UGT1A8: variants seen among roughly 807,000 people sequenced by gnomAD.
UGT1A8 encodes UDP glucuronosyltransferase family 1 member A8, also known as UDP-glucuronosyltransferase 1A8.
A neutral mutation model predicts 45.3 loss-of-function variants in UGT1A8; 39 were observed. The observed-to-expected ratio is 0.86, with a 90% CI of 0.67 to 1.12. The LOEUF (loss-of-function observed/expected upper bound fraction) is 1.12, where lower values mean the gene tolerates loss of function less well. Ranked by LOEUF, UGT1A8 falls within the 50% of genes most tolerant of loss-of-function variation. The probability of loss-of-function intolerance (pLI) is 0.00; values close to 1 mark genes in which losing one functional copy is unlikely to be tolerated. For synonymous variants in UGT1A8, 275 were observed against 249.2 expected (o/e 1.10, Z -0.97); for missense variants, 719 against 664.9 (o/e 1.08, Z -0.90).
intron 1 of UGT1A8, chr2:233,747,220 A>G: frequency 6.2e-7 from 1 of 1,605,538 alleles, no homozygotes; most frequent in South Asian, 1.1e-5. Flanking sequence ...TGAGATGGCC[A>G]CAGGACCCCA....
intron 1 of UGT1A8, among the ~76,000 whole-genome samples, chr2:233,752,803 G>A (rs140636687): frequency 3.1e-4 from 47 of 152,278 alleles, no homozygotes; most frequent in African/African-American, 1.1e-3. Flanking sequence ...TTCTGTAGAA[G>A]GAACACTTCC....
At chr2:233,638,236 C>A (rs1285916419) in intron 1 of UGT1A8, among the ~76,000 whole-genome samples, 2 of 152,074 alleles carry the variant, frequency 1.3e-5, no homozygotes, top group Non-Finnish European at 2.9e-5. Flanking sequence ...ACTATATAAG[C>A]ATTTTATGTT....
chr2:233,766,731 T>C (rs1699235503), intron 1 of UGT1A8, among the ~76,000 whole-genome samples: 1 of 152,174 alleles, frequency 6.6e-6, no homozygotes, highest in African/African-American at 2.4e-5. Flanking sequence ...TATCACTGTG[T>C]GTATGTACAG....
At chr2:233,667,362 A>G (rs1314423977) in intron 1 of UGT1A8, among the ~76,000 whole-genome samples, 3 of 152,166 alleles carry the variant, frequency 2.0e-5, no homozygotes, top group African/African-American at 7.2e-5. Flanking sequence ...CCTTCCTTAC[A>G]CCTTATACAA....
At chr2:233,745,373 C>A (rs1317791294) in intron 1 of UGT1A8, among the ~76,000 whole-genome samples, 1 of 151,774 alleles carries the variant, frequency 6.6e-6, no homozygotes, top group East Asian at 1.9e-4. Flanking sequence ...GATCTGAGTT[C>A]TCTTCACCTC....
intron 1 of UGT1A8, among the ~76,000 whole-genome samples, chr2:233,736,062 G>C (rs1463600658): frequency 6.6e-6 from 1 of 152,174 alleles, no homozygotes; most frequent in South Asian, 2.1e-4. Context: ...GGCCTGCCTT[G>C]CTAGGTTTGG....
intron 1 of UGT1A8, among the ~76,000 whole-genome samples, chr2:233,745,899 C>T (rs1385989296): frequency 1.3e-5 from 2 of 151,320 alleles, no homozygotes; most frequent in Non-Finnish European, 2.9e-5. Context: ...TGGCGTTTTT[C>T]AGGGAGCAGC....
chr2:233,705,074 TG>T (rs1342068757), intron 1 of UGT1A8, among the ~76,000 whole-genome samples: 1 of 151,140 alleles, frequency 6.6e-6, no homozygotes, highest in East Asian at 1.9e-4. Flanking sequence ...AGGCGGAGGT[TG>T]CAGAGAGCCA....
Position 233,768,420 on chromosome 2 carries a change from G to A in UGT1A8, c.1276G>A (p.Ala426Thr). 6.2e-7 allele frequency: 1 copy of A among 1,614,048 alleles called. No homozygotes were observed. Among genetic ancestry groups the A allele is most frequent in the South Asian group, 1.1e-5 (1 of 91,078 alleles). Residue 426 changes from alanine (A) to threonine (T), a missense_variant, in exon 4 of 5, where the codon GCA becomes ACA. By Grantham distance (58) the Ala-to-Thr change is moderately conservative (BLOSUM62 0). Transcript: ENST00000373450. Reference protein sequence around the residue: ...TSEDLENALKAVINDKSYKEN... With the variant: ...TSEDLENALKTVINDKSYKEN... ...TGAAGATTTAGAAAATGCTCTAAAAGCAGTCATCAATGACAAAAGGTAAGA... is the reference window on the plus strand; with the variant it reads ...TGAAGATTTAGAAAATGCTCTAAAAACAGTCATCAATGACAAAAGGTAAGA...
At chr2:233,678,289 G>A (rs2074413554) in intron 1 of UGT1A8, among the ~76,000 whole-genome samples, 1 of 152,172 alleles carries the variant, frequency 6.6e-6, no homozygotes, top group Admixed American at 6.5e-5. Context: ...ACCTGCACAT[G>A]TACTCCTGAA....
chr2:233,747,923 G>C (rs1349241680), intron 1 of UGT1A8: 11 of 1,613,296 alleles, frequency 6.8e-6, no homozygotes, highest in Non-Finnish European at 8.5e-6. Flanking sequence ...TTGCCTCTGA[G>C]CTTTTTCAGA....
chr2:233,648,727 GT>G, intron 1 of UGT1A8: 1 of 498,964 alleles, frequency 2.0e-6, no homozygotes, highest in Non-Finnish European at 3.5e-6. Context: ...GCCTCCCAAA[GT>G]GCTGGAATTA....
intron 1 of UGT1A8, among the ~76,000 whole-genome samples, chr2:233,694,903 AC>A (rs1197699388): frequency 6.6e-6 from 1 of 152,248 alleles, no homozygotes; most frequent in Admixed American, 6.5e-5. Context: ...ATATTTTGAT[AC>A]ACGTATACAA....
At chr2:233,640,514 C>T (rs2073422567) in intron 1 of UGT1A8, among the ~76,000 whole-genome samples, 1 of 152,184 alleles carries the variant, frequency 6.6e-6, no homozygotes, top group Admixed American at 6.5e-5. Context: ...CCAATTGCCT[C>T]ATACAACATC....
chr2:233,743,846 C>T lies in UGT1A8; in HGVS notation c.856-23188C>T, dbSNP rs779214397. On this transcript the variant is annotated intron_variant, in intron 1 of 4. Transcript: ENST00000373450. ...GGGGTGCCACTTGAGCGCCAGCTTG[C>T]GGTACGCCTTCTTGATGGCCTCGGA... 13 of 1,367,112 alleles carry T rather than the reference C, an allele frequency of 9.5e-6. No individual in the cohort carries two copies. The Admixed American group carries it at 1.1e-4, about 12-fold the overall frequency. The allele number at this position is 1,367,112 out of a possible 1,614,324, so 84.7% of individuals were successfully genotyped here.
intron 1 of UGT1A8, among the ~76,000 whole-genome samples, chr2:233,698,062 A>G (rs907495284): frequency 1.3e-5 from 2 of 152,196 alleles, no homozygotes; most frequent in Non-Finnish European, 2.9e-5. Flanking sequence ...AGTTATATTG[A>G]GAAACTGGGC....
chr2:233,688,933 G>C (rs1216013654), intron 1 of UGT1A8, among the ~76,000 whole-genome samples: 2 of 152,148 alleles, frequency 1.3e-5, no homozygotes, highest in Non-Finnish European at 2.9e-5. Context: ...AAGATGGCAG[G>C]TGCAGCATGA....
At chr2:233,704,839 G>C (rs561823899) in intron 1 of UGT1A8, among the ~76,000 whole-genome samples, 8 of 151,956 alleles carry the variant, frequency 5.3e-5, no homozygotes, top group Admixed American at 5.3e-4. Flanking sequence ...TTTAAAATCA[G>C]TTAAGAGAAT....
intron 1 of UGT1A8, among the ~76,000 whole-genome samples, chr2:233,645,318 G>A (rs2073571025): frequency 6.6e-6 from 1 of 152,052 alleles, no homozygotes. Context: ...AGATTTAGGT[G>A]GGGACACAGC....
Sources: allele counts gnomAD v4.1 joint callset (sites outside exome capture counted in the v4.1 genomes callset), GRCh38; gene constraint gnomAD v4.1.1; transcripts MANE v1.5; gene names NCBI Gene and HGNC (gene_info 2026-07-23, HGNC 2026-07-21).